XKR4: variants seen among roughly 807,000 people sequenced by gnomAD.
The protein encoded by XKR4 is XK-related protein 4.
A neutral mutation model predicts 53.9 loss-of-function variants in XKR4; 12 were observed. The ratio of observed to expected loss-of-function variants is 0.22; its 90% confidence interval spans 0.14 to 0.36. The LOEUF is 0.36. Among genes scored for constraint, XKR4 ranks in the 10% least tolerant of loss-of-function variants. The pLI is 1.00. For synonymous variants in XKR4, 354 were observed against 362.4 expected (o/e 0.98, Z 0.26); for missense variants, 799 against 859.5 (o/e 0.93, Z 0.88).
chr8:55,332,443 C>G (rs1803395433), intron 1 of XKR4, among the ~76,000 whole-genome samples: 1 of 151,896 alleles, frequency 6.6e-6, no homozygotes, highest in South Asian at 2.1e-4. Flanking sequence ...ATCCTTTCAC[C>G]TCAATTTGAA....
chr8:55,342,720 A>G (rs2075193221), intron 1 of XKR4, among the ~76,000 whole-genome samples: 1 of 152,170 alleles, frequency 6.6e-6, no homozygotes, highest in Admixed American at 6.6e-5. Context: ...ACTTTGACCC[A>G]GGTTTCACCT....
At chr8:55,105,868 A>G (rs1816139589) in intron 1 of XKR4, among the ~76,000 whole-genome samples, 1 of 152,210 alleles carries the variant, frequency 6.6e-6, no homozygotes, top group African/African-American at 2.4e-5. Context: ...TATTTCTCTG[A>G]GTGTTGAACA....
At chr8:55,390,360 C>T (rs564138100) in intron 2 of XKR4, among the ~76,000 whole-genome samples, 157 of 152,296 alleles carry the variant, frequency 1.0e-3, no homozygotes, top group Non-Finnish European at 1.8e-3. Flanking sequence ...AAAGGAATTA[C>T]AGTCTTTGTC....
At chr8:55,507,539 C>G (rs1585611402) in intron 2 of XKR4, among the ~76,000 whole-genome samples, 1 of 152,120 alleles carries the variant, frequency 6.6e-6, no homozygotes, top group East Asian at 1.9e-4. Flanking sequence ...GTGTGATGCT[C>G]CCCTTCCTGT....
At chr8:55,371,467 C>G (rs1804069069) in intron 2 of XKR4, among the ~76,000 whole-genome samples, 1 of 152,114 alleles carries the variant, frequency 6.6e-6, no homozygotes, top group African/African-American at 2.4e-5. Context: ...GTATTTCTGA[C>G]TTTTGAGTCT....
intron 1 of XKR4, among the ~76,000 whole-genome samples, chr8:55,286,419 C>A (rs1398377715): frequency 1.3e-5 from 2 of 152,196 alleles, no homozygotes; most frequent in Non-Finnish European, 2.9e-5. Flanking sequence ...AGAACAGACA[C>A]CCTTCGAAGG....
At chr8:55,291,685 GT>G (rs1365529607) in intron 1 of XKR4, among the ~76,000 whole-genome samples, 1 of 152,084 alleles carries the variant, frequency 6.6e-6, no homozygotes, top group Non-Finnish European at 1.5e-5. Context: ...ATACAACTGA[GT>G]TTTTTATGTT....
chr8:55,514,676 AC>A (rs771066364), intron 2 of XKR4, among the ~76,000 whole-genome samples: 4 of 152,170 alleles, frequency 2.6e-5, no homozygotes, highest in Admixed American at 6.5e-5. Context: ...CAACAAAAAA[AC>A]AAACAAAAAA....
chr8:55,395,467 T>G (rs1164720079), intron 2 of XKR4, among the ~76,000 whole-genome samples: 1 of 152,018 alleles, frequency 6.6e-6, no homozygotes, highest in Non-Finnish European at 1.5e-5. Flanking sequence ...ACAGGATGTG[T>G]ACCAGGGTGC....
chr8:55,408,737 G>A (rs531992898), intron 2 of XKR4, among the ~76,000 whole-genome samples: 19 of 152,304 alleles, frequency 1.2e-4, no homozygotes, highest in African/African-American at 4.1e-4. Flanking sequence ...AGCCGGGTGC[G>A]GTGGTTCGCG....
At chr8:55,354,179 T>C (rs1407740039) in intron 1 of XKR4, among the ~76,000 whole-genome samples, 1 of 152,146 alleles carries the variant, frequency 6.6e-6, no homozygotes, top group Non-Finnish European at 1.5e-5. Context: ...GGGAAGACCT[T>C]GAGAACCAGA....
intron 1 of XKR4, among the ~76,000 whole-genome samples, chr8:55,273,142 CTGTGTGTGTGTGTG>C (rs5891567): frequency 6.4e-4 from 94 of 147,536 alleles, no homozygotes; most frequent in South Asian, 2.6e-3. Flanking sequence ...GAAAAGAGGA[CTGTGTGTGTGTGTG>C]TGTGTGTGTG....
intron 1 of XKR4, among the ~76,000 whole-genome samples, chr8:55,107,309 C>T (rs775270208): frequency 5.9e-5 from 9 of 152,066 alleles, no homozygotes; most frequent in Admixed American, 2.0e-4. Flanking sequence ...GGATTAAAAA[C>T]GGGGCCCATT....
intron 2 of XKR4, among the ~76,000 whole-genome samples, chr8:55,417,264 G>C (rs986190247): frequency 2.0e-5 from 3 of 152,200 alleles, no homozygotes; most frequent in Non-Finnish European, 4.4e-5. Context: ...AGTAGATGAT[G>C]CCTTACAGCC....
At chr8:55,463,305 C>A (rs1444889037) in intron 2 of XKR4, among the ~76,000 whole-genome samples, 1 of 152,140 alleles carries the variant, frequency 6.6e-6, no homozygotes, top group Non-Finnish European at 1.5e-5. Flanking sequence ...CAAACTGGAA[C>A]TCAGGATTAA....
intron 1 of XKR4, among the ~76,000 whole-genome samples, chr8:55,333,218 G>T (rs1450077661): frequency 6.6e-6 from 1 of 152,046 alleles, no homozygotes; most frequent in Non-Finnish European, 1.5e-5. Context: ...TAAGTCTGAT[G>T]CCTGTGTTTC....
chr8:55,527,938 T>C lies in XKR4; in HGVS notation c.*3711T>C, dbSNP rs558478746. 16 of 152,166 alleles carry C rather than the reference T, an allele frequency of 1.1e-4. No homozygotes were observed. The highest frequency in any genetic ancestry group is 2.9e-5 in the Non-Finnish European group (2 of 68,000). 9.4% of individuals were successfully genotyped at this position (152,166 alleles called of 1,614,324 possible). On this transcript the variant is annotated 3_prime_UTR_variant, in exon 3 of 3. Transcript: ENST00000327381. ...CAATGGCTGTTTTTTAAAAATGATA[T>C]GTGCCTTTTAAGTGTGTTTGTGTAC...
intron 2 of XKR4, among the ~76,000 whole-genome samples, chr8:55,372,039 A>G (rs1326472248): frequency 6.6e-6 from 1 of 152,186 alleles, no homozygotes; most frequent in East Asian, 1.9e-4. Context: ...GCACACAGAC[A>G]TGTTCAGGCA....
chr8:55,395,302 G>A (rs1441066871), intron 2 of XKR4, among the ~76,000 whole-genome samples: 1 of 151,916 alleles, frequency 6.6e-6, no homozygotes, highest in African/African-American at 2.4e-5. Context: ...GATTGGATCG[G>A]GGCTCACGCT....
Sources: allele counts gnomAD v4.1 joint callset (sites outside exome capture counted in the v4.1 genomes callset), GRCh38; gene constraint gnomAD v4.1.1; transcripts MANE v1.5; gene names NCBI Gene and HGNC (gene_info 2026-07-23, HGNC 2026-07-21).